SLC39A11: variants seen among roughly 807,000 people sequenced by gnomAD.
The protein encoded by SLC39A11 is solute carrier family 39 member 11.
SLC39A11 carries 33 observed loss-of-function variants against 36.1 expected under a neutral mutation model. The ratio of observed to expected loss-of-function variants is 0.91; its 90% CI spans 0.69 to 1.22. SLC39A11 has a LOEUF of 1.22. SLC39A11 is among the 50% of genes most tolerant of loss of function. The probability of loss-of-function intolerance (pLI) is 0.00; values close to 1 mark genes in which losing one functional copy is unlikely to be tolerated. For synonymous variants in SLC39A11, 166 were observed against 170.3 expected (o/e 0.97, Z 0.20); for missense variants, 432 against 430.3 (o/e 1.00, Z -0.03).
At chr17:72,649,103 C>T (rs898933447) in intron 8 of SLC39A11, 67 bp downstream of exon 8, 31 of 1,566,206 alleles carry the variant, frequency 2.0e-5, no homozygotes, top group Non-Finnish European at 2.5e-5. Flanking sequence ...AAGCACATCA[C>T]TGTTTTGTTG....
intron 6 of SLC39A11, among the ~76,000 whole-genome samples, chr17:72,805,162 A>AT (rs920863214): frequency 4.1e-4 from 63 of 152,266 alleles, no homozygotes; most frequent in African/African-American, 1.4e-3. Context: ...TTTTGGTACT[A>AT]TTTAAAGAGG....
chr17:72,969,857 G>A (rs1290762764), intron 4 of SLC39A11, among the ~76,000 whole-genome samples: 1 of 152,154 alleles, frequency 6.6e-6, no homozygotes, highest in Non-Finnish European at 1.5e-5. Context: ...GTTCATCCCA[G>A]AATATAATGG....
chr17:72,801,655 T>C (rs1162767074), intron 6 of SLC39A11, among the ~76,000 whole-genome samples: 1 of 152,222 alleles, frequency 6.6e-6, no homozygotes, highest in African/African-American at 2.4e-5. Flanking sequence ...CAAAGCTGTC[T>C]AAAAATTTAC....
rs35729985 is a variant in SLC39A11, at chr17:73,085,642, CAA to C, written c.109-798_109-797del. On this transcript the variant is annotated intron_variant, in intron 2 of 9. Coordinates refer to ENST00000255559, the MANE Select transcript of SLC39A11 (RefSeq NM_139177.4). ...AGGCAACAAGAGCAAAACTCCGCCT[CAA>C]AAAAAAAAAAAAAAAAAACCCTCAC... Among the ~76,000 whole-genome samples the C allele has an allele frequency of 1.9e-3, 190 of 101,986 alleles. 1 individual carries two copies. Among genetic ancestry groups the C allele is most frequent in the African/African-American group, 4.7e-3 (120 of 25,554 alleles). The allele number at this position is 101,986 out of a possible 152,430, so 66.9% of individuals were successfully genotyped here.
chr17:72,829,886 C>T (rs986704921), intron 6 of SLC39A11, among the ~76,000 whole-genome samples: 2 of 152,046 alleles, frequency 1.3e-5, no homozygotes, highest in South Asian at 2.1e-4. Context: ...GAAATGCCCC[C>T]GGACTCAGTA....
chr17:72,686,154 C>T (rs1050971218), intron 7 of SLC39A11, among the ~76,000 whole-genome samples: 1 of 152,194 alleles, frequency 6.6e-6, no homozygotes, highest in African/African-American at 2.4e-5. Context: ...TTTTCCTCAA[C>T]CCATAATGTG....
chr17:72,947,182 C>A (rs969342310), intron 5 of SLC39A11, among the ~76,000 whole-genome samples: 1 of 152,090 alleles, frequency 6.6e-6, no homozygotes, highest in Non-Finnish European at 1.5e-5. Flanking sequence ...ATTAGCCAGG[C>A]ATGGACCTGT....
At chr17:72,918,045 G>C (rs573154622) in intron 5 of SLC39A11, among the ~76,000 whole-genome samples, 3 of 152,220 alleles carry the variant, frequency 2.0e-5, no homozygotes, top group Non-Finnish European at 4.4e-5. Context: ...CTGAACTTAC[G>C]AGATTCGTGG....
chr17:72,686,333 G>T (rs1055786633), intron 7 of SLC39A11, among the ~76,000 whole-genome samples: 5 of 152,226 alleles, frequency 3.3e-5, no homozygotes, highest in African/African-American at 4.8e-5. Flanking sequence ...ATCGTCCAGT[G>T]TCAGGAGTCT....
At chr17:72,702,058 A>G (rs2072669153) in intron 7 of SLC39A11, among the ~76,000 whole-genome samples, 1 of 54,768 alleles carries the variant, frequency 1.8e-5, no homozygotes, top group Admixed American at 2.4e-4. Flanking sequence ...GTGAGCTGTG[A>G]TCACACCACT....
intron 5 of SLC39A11, among the ~76,000 whole-genome samples, chr17:72,934,065 C>T (rs902461039): frequency 2.6e-5 from 4 of 150,994 alleles, no homozygotes; most frequent in Admixed American, 2.6e-4. Context: ...CTCTACCTGA[C>T]ACCATATTTT....
At chr17:73,091,298 TGTGCCTGTAGTCCCA>T (rs1227304227) in intron 1 of SLC39A11, among the ~76,000 whole-genome samples, 12 of 151,838 alleles carry the variant, frequency 7.9e-5, no homozygotes, top group Non-Finnish European at 1.6e-4. Flanking sequence ...CGTCGTGGTG[TGTGCCTGTAGTCCCA>T]GTGCCTGTAG....
intron 5 of SLC39A11, among the ~76,000 whole-genome samples, chr17:72,875,058 A>G (rs1440070555): frequency 6.6e-6 from 1 of 152,204 alleles, no homozygotes; most frequent in Non-Finnish European, 1.5e-5. Flanking sequence ...CGAGAGAAAC[A>G]CAGGGAGTAA....
intron 4 of SLC39A11, among the ~76,000 whole-genome samples, chr17:73,024,023 T>A (rs149354398): frequency 5.5e-4 from 84 of 152,300 alleles, no homozygotes; most frequent in African/African-American, 1.9e-3. Context: ...GAAAATAAAT[T>A]TCTATTGTTT....
At chr17:72,718,222 C>T (rs1395532690) in intron 7 of SLC39A11, among the ~76,000 whole-genome samples, 2 of 151,944 alleles carry the variant, frequency 1.3e-5, no homozygotes, top group Non-Finnish European at 2.9e-5. Context: ...CTGAGGCGGA[C>T]GGATCTTTTG....
At chr17:72,802,234 G>A (rs1012063844) in intron 6 of SLC39A11, among the ~76,000 whole-genome samples, 1 of 152,174 alleles carries the variant, frequency 6.6e-6, no homozygotes, top group Non-Finnish European at 1.5e-5. Flanking sequence ...AGGGCAGATT[G>A]ATTCCACTTC....
intron 7 of SLC39A11, among the ~76,000 whole-genome samples, chr17:72,730,747 C>A (rs2074181152): frequency 6.6e-6 from 1 of 152,156 alleles, no homozygotes; most frequent in Non-Finnish European, 1.5e-5. Context: ...GTAGCCTTGA[C>A]CTCTCAGGCT....
At chr17:72,677,344 A>C (rs1253286794) in intron 7 of SLC39A11, among the ~76,000 whole-genome samples, 1 of 152,212 alleles carries the variant, frequency 6.6e-6, no homozygotes, top group Non-Finnish European at 1.5e-5. Flanking sequence ...GGCCAACACC[A>C]GCTGGGCCCT....
At chr17:72,929,926 C>A (rs894100450) in intron 5 of SLC39A11, among the ~76,000 whole-genome samples, 1 of 152,120 alleles carries the variant, frequency 6.6e-6, no homozygotes, top group African/African-American at 2.4e-5. Flanking sequence ...TCAATGTACC[C>A]AGGGGAAAGC....
Sources: allele counts gnomAD v4.1 joint callset (sites outside exome capture counted in the v4.1 genomes callset), GRCh38; gene constraint gnomAD v4.1.1; transcripts MANE v1.5; gene names NCBI Gene and HGNC (gene_info 2026-07-23, HGNC 2026-07-21).